MDFIC2: variants seen among roughly 807,000 people sequenced by gnomAD.
MDFIC2 encodes the protein myoD family inhibitor domain-containing protein 2.
At chr3:70,285,828 A>G (rs1702156495) in intron 2 of MDFIC2, among the ~76,000 whole-genome samples, 1 of 152,154 alleles carries the variant, frequency 6.6e-6, no homozygotes, top group Admixed American at 6.5e-5. Context: ...GCATTTAATC[A>G]TGTGTTTTTT....
intron 2 of MDFIC2, among the ~76,000 whole-genome samples, chr3:70,293,340 C>T (rs1265350847): frequency 6.6e-6 from 1 of 151,990 alleles, no homozygotes; most frequent in Non-Finnish European, 1.5e-5. Flanking sequence ...ATATGTGTGT[C>T]CTTATTAATA....
At chr3:70,217,995 A>G (rs1559537612) in intron 2 of MDFIC2, among the ~76,000 whole-genome samples, 1 of 152,184 alleles carries the variant, frequency 6.6e-6, no homozygotes, top group Non-Finnish European at 1.5e-5. Context: ...AAGGACAAGA[A>G]ATCACAGGAG....
intron 2 of MDFIC2, among the ~76,000 whole-genome samples, chr3:70,292,529 T>C (rs1205280244): frequency 1.3e-5 from 2 of 152,134 alleles, no homozygotes; most frequent in African/African-American, 4.8e-5. Flanking sequence ...CTCCTTTGGT[T>C]TGAGAGGCAT....
At chr3:70,273,302 A>T (rs1329668950) in intron 2 of MDFIC2, among the ~76,000 whole-genome samples, 1 of 152,060 alleles carries the variant, frequency 6.6e-6, no homozygotes, top group African/African-American at 2.4e-5. Flanking sequence ...TCTGAAGACT[A>T]CTCTAAGGAA....
chr3:70,229,347 A>G (rs950360655), intron 2 of MDFIC2, among the ~76,000 whole-genome samples: 15 of 152,198 alleles, frequency 9.9e-5, no homozygotes, highest in African/African-American at 3.6e-4. Flanking sequence ...TTATTTGCAT[A>G]TGCTGGTATA....
intron 2 of MDFIC2, among the ~76,000 whole-genome samples, chr3:70,298,007 A>G (rs1702306212): frequency 6.6e-6 from 1 of 152,130 alleles, no homozygotes; most frequent in South Asian, 2.1e-4. Context: ...AATTCTAAAT[A>G]TAACAAGGAA....
chr3:70,233,290 G>T (rs925586665), intron 2 of MDFIC2, among the ~76,000 whole-genome samples: 1 of 152,154 alleles, frequency 6.6e-6, no homozygotes, highest in East Asian at 1.9e-4. Flanking sequence ...GGTGGCCCTG[G>T]TGATGTTTGA....
At chr3:70,296,804 C>T (rs1437106188) in intron 2 of MDFIC2, among the ~76,000 whole-genome samples, 1 of 152,112 alleles carries the variant, frequency 6.6e-6, no homozygotes, top group Non-Finnish European at 1.5e-5. Flanking sequence ...TTCTACTCTT[C>T]AGCCCACACT....
intron 2 of MDFIC2, among the ~76,000 whole-genome samples, chr3:70,282,947 C>T (rs1288763278): frequency 5.9e-5 from 9 of 152,140 alleles, no homozygotes; most frequent in Admixed American, 5.9e-4. Flanking sequence ...ACTCTTATAA[C>T]CATTGAGTGT....
intron 2 of MDFIC2, among the ~76,000 whole-genome samples, chr3:70,237,898 C>T (rs552840417): frequency 1.4e-3 from 204 of 147,370 alleles, no homozygotes; most frequent in African/African-American, 4.9e-3. Flanking sequence ...GGAGGATGAA[C>T]TTACCAGGAT....
At chr3:70,288,395 C>G (rs1227953309) in intron 2 of MDFIC2, among the ~76,000 whole-genome samples, 1 of 144,952 alleles carries the variant, frequency 6.9e-6, no homozygotes, top group Admixed American at 6.9e-5. Context: ...ATCCTGAGTT[C>G]TAGTTTGATT....
rs953359263 is a variant in MDFIC2, at chr3:70,237,818, C to T, written c.89-31028G>A. Among the ~76,000 whole-genome samples, 7 of 152,150 alleles carry T rather than the reference C, an allele frequency of 4.6e-5. No homozygotes were observed. The East Asian group carries it at 1.4e-3, about 30-fold the overall frequency. ...GCCATATTGTGGGCATGGACAAAGG[C>T]AGAGTATTTTTCCTTAAATATTGCA... On this transcript the variant is annotated intron_variant, in intron 2 of 3. Transcript: ENST00000567252.
chr3:70,306,375 T>C (rs1191520804), intron 2 of MDFIC2, among the ~76,000 whole-genome samples: 1 of 152,162 alleles, frequency 6.6e-6, no homozygotes, highest in Admixed American at 6.6e-5. Flanking sequence ...CCTCCCAAAG[T>C]GCTGGGATTA....
intron 2 of MDFIC2, among the ~76,000 whole-genome samples, chr3:70,232,619 C>T (rs1360291667): frequency 6.6e-6 from 1 of 151,960 alleles, no homozygotes; most frequent in African/African-American, 2.4e-5. Context: ...AGGATGGTCT[C>T]AATCTCCTGA....
At chr3:70,274,096 C>CGTGTGTGTGCGT in intron 2 of MDFIC2, among the ~76,000 whole-genome samples, 1 of 149,284 alleles carries the variant, frequency 6.7e-6, no homozygotes, top group Non-Finnish European at 1.5e-5. Context: ...TGTGTGCGCG[C>CGTGTGTGTGCGT]GCGCATGTGT....
intron 2 of MDFIC2, among the ~76,000 whole-genome samples, chr3:70,257,168 A>G (rs1701824658): frequency 6.6e-6 from 1 of 152,210 alleles, no homozygotes; most frequent in Non-Finnish European, 1.5e-5. Context: ...ATCATAGGAA[A>G]TTTTGTGAAC....
chr3:70,302,919 C>T (rs1271135852), intron 2 of MDFIC2, among the ~76,000 whole-genome samples: 1 of 152,064 alleles, frequency 6.6e-6, no homozygotes, highest in Non-Finnish European at 1.5e-5. Flanking sequence ...AAATTTTAAC[C>T]ATCAGCAGTA....
At chr3:70,207,876 A>G (rs1701306935) in intron 2 of MDFIC2, among the ~76,000 whole-genome samples, 1 of 151,988 alleles carries the variant, frequency 6.6e-6, no homozygotes. Flanking sequence ...ACACTGAGGG[A>G]CAACTGTATG....
intron 2 of MDFIC2, among the ~76,000 whole-genome samples, chr3:70,308,360 C>A (rs1025333071): frequency 3.3e-5 from 5 of 152,066 alleles, no homozygotes; most frequent in African/African-American, 1.2e-4. Flanking sequence ...CTGAGCAATG[C>A]TGCATATTTT....
Sources: allele counts gnomAD v4.1 joint callset (sites outside exome capture counted in the v4.1 genomes callset), GRCh38; gene constraint gnomAD v4.1.1; transcripts MANE v1.5; gene names NCBI Gene and HGNC (gene_info 2026-07-23, HGNC 2026-07-21).